KCNAB2: variants seen among roughly 807,000 people sequenced by gnomAD.
KCNAB2 encodes the protein potassium voltage-gated channel subfamily A regulatory beta subunit 2, also known as voltage-gated potassium channel subunit beta-2.
Under a neutral mutation model 63.6 loss-of-function variants are expected in KCNAB2, and 29 were observed. The ratio of observed to expected loss-of-function variants is 0.46; its 90% CI spans 0.34 to 0.62. KCNAB2 has a LOEUF of 0.62. Among genes scored for constraint, KCNAB2 ranks in the 20% least tolerant of loss-of-function variants. KCNAB2 has a pLI of 0.01. For synonymous variants in KCNAB2, 222 were observed against 224.2 expected (o/e 0.99, Z 0.09); for missense variants, 359 against 563.9 (o/e 0.64, Z 3.68).
Position 6,090,475 on chromosome 1 carries a change from G to A in KCNAB2, c.601G>A (p.Gly201Arg). Residue 201 changes from glycine to arginine, a missense_variant and splice_region_variant, in exon 9 of 16, where the codon GGG (glycine) becomes AGG (arginine). This residue lies in a region of KCNAB2 where 271 missense variants were observed against 476.1 expected (regional missense o/e 0.57). Coordinates refer to ENST00000378083, the MANE Select transcript of KCNAB2 (RefSeq NM_001199862.2). ...CCCGGACCCCAACACCCCGATGGAA[G>A]GTAGGTGGTCTGCGGCGGCGCCACC... ...NRPDPNTPME[G>R]DPFSSSKSRT... The A allele has an allele frequency of 1.2e-6, 2 of 1,612,930 alleles. No homozygotes were observed. The highest frequency in any genetic ancestry group is 1.7e-6 in the Non-Finnish European group (2 of 1,179,258).
chr1:6,036,229 G>A (rs1054903113), intron 1 of KCNAB2, among the ~76,000 whole-genome samples: 4 of 152,228 alleles, frequency 2.6e-5, no homozygotes, highest in African/African-American at 9.6e-5. Flanking sequence ...TAGGCCGAGT[G>A]AGGTGGCTCA....
In KCNAB2 at chr1:6,051,602, CCT is replaced by C. The variant is rs1557454919; in HGVS notation, c.67_68del (p.Leu23AlafsTer77). 2 of 1,534,948 alleles carry C rather than the reference CCT, an allele frequency of 1.3e-6. No homozygotes were observed. The highest frequency in any genetic ancestry group is 1.7e-6 in the Non-Finnish European group (2 of 1,146,664). On this transcript the variant is annotated frameshift_variant, in exon 2 of 16. Coordinates refer to ENST00000378083, the MANE Select transcript of KCNAB2 (RefSeq NM_001199862.2). LOFTEE classifies it high-confidence loss of function. ...VSSRCHSEWA[L>X]HPVRQTDTLE... ...GCAGCAGGTGCCACTCTGAATGGGC[CCT>C]GCACCCCGTCCGCCAGACGGACACG...
chr1:6,098,489 T>A lies in KCNAB2; in HGVS notation c.1163T>A (p.Leu388His). The change falls in exon 16 of 16, where the codon CTT becomes CAT. Residue 388 changes from leucine (L) to histidine (H), a missense_variant. Leu to His is a moderately conservative substitution (Grantham distance 99). Around this residue, in one of 2 missense-constraint regions of KCNAB2, gnomAD observed 271 missense variants for 476.1 expected, o/e 0.57. Transcript: ENST00000378083. ...TGTTGTTGTTCTTGCACGCAGGTCC[T>A]TCCGAAACTGTCATCTTCCATTATC... Reference protein sequence around the residue: ...LMENIGAIQVLPKLSSSIIHE... With the variant: ...LMENIGAIQVHPKLSSSIIHE... 1 of 1,613,948 alleles carries A rather than the reference T, an allele frequency of 6.2e-7. No individual in the cohort carries two copies. The highest frequency in any genetic ancestry group is 8.5e-7 in the Non-Finnish European group (1 of 1,179,932).
chr1:6,017,563 G>T (rs1374783696), intron 1 of KCNAB2, among the ~76,000 whole-genome samples: 4 of 152,116 alleles, frequency 2.6e-5, no homozygotes, highest in African/African-American at 9.7e-5. Flanking sequence ...GGAGGCCGAG[G>T]CAGGCAGATC....
At chr1:6,027,782 T>C (rs1264995906) in intron 1 of KCNAB2, among the ~76,000 whole-genome samples, 1 of 152,202 alleles carries the variant, frequency 6.6e-6, no homozygotes, top group Non-Finnish European at 1.5e-5. Context: ...TAGGTCCCAA[T>C]GCTTCTGCTG....
At chr1:6,008,755 C>T (rs1657976802) in intron 1 of KCNAB2, among the ~76,000 whole-genome samples, 1 of 152,126 alleles carries the variant, frequency 6.6e-6, no homozygotes, top group South Asian at 2.1e-4. Flanking sequence ...GGCCCCCGAA[C>T]CACCACCCCA....
chr1:6,037,701 A>T (rs1330015309), intron 1 of KCNAB2, among the ~76,000 whole-genome samples: 1 of 152,106 alleles, frequency 6.6e-6, no homozygotes, highest in Non-Finnish European at 1.5e-5. Flanking sequence ...GAGTCATCTA[A>T]GAGCAAAATG....
chr1:6,053,778 T>C (rs1053717274), intron 2 of KCNAB2, among the ~76,000 whole-genome samples: 11 of 152,340 alleles, frequency 7.2e-5, no homozygotes, highest in African/African-American at 2.6e-4. Flanking sequence ...ACATTCATCC[T>C]AAACCTCAGA....
rs533033709 is a variant in KCNAB2 at position 6,065,849 on chromosome 1, C to T, written c.219-6906C>T. Among the ~76,000 whole-genome samples the T allele has an allele frequency of 1.3e-4, 20 of 152,316 alleles. No homozygotes were observed. In the East Asian group the frequency reaches 3.5e-3, roughly 26 times the overall value. On this transcript the variant is annotated intron_variant, in intron 2 of 15. Transcript: ENST00000378083. The stretch of plus-strand genomic sequence containing the variant: ...CGCTTCCAGCAGGTCTTCTGTACCT[C>T]GGGCCTGGAAATGTGACTCCCTCCC...
chr1:6,060,543 C>A (rs982393890), intron 2 of KCNAB2, among the ~76,000 whole-genome samples: 3 of 152,146 alleles, frequency 2.0e-5, no homozygotes. Context: ...ACGGACAAGG[C>A]GGTCTCTGCA....
intron 1 of KCNAB2, among the ~76,000 whole-genome samples, chr1:6,009,935 A>G (rs1295027647): frequency 6.7e-6 from 1 of 150,178 alleles, no homozygotes; most frequent in African/African-American, 2.5e-5. Flanking sequence ...CAGTGGCGCA[A>G]TCTTATCTCA....
rs1475500113 is a variant in KCNAB2, at chr1:6,028,540, C to T, written c.-52-11977C>T. ...ACGTCACACCTAGCCCAGAACAGCC[C>T]CCCTCTCTCCATCCCTTCTGCGATG... On this transcript the variant is annotated intron_variant, in intron 1 of 16. Transcript: ENST00000341524. The surrounding 1 kb of genome is among the most constrained non-coding windows in gnomAD (Gnocchi z 4.0). Among the ~76,000 whole-genome samples, 2 of 152,218 alleles carry T rather than the reference C, an allele frequency of 1.3e-5. No individual in the cohort carries two copies. Among genetic ancestry groups the T allele is most frequent in the Non-Finnish European group, 2.9e-5 (2 of 68,034 alleles).
chr1:6,041,575 A>G (rs1660501220), upstream of KCNAB2: 3 of 535,746 alleles, frequency 5.6e-6, no homozygotes, highest in South Asian at 4.3e-5. Context: ...AGGGCCTGGC[A>G]TGGAAGGAGC....
At chr1:6,056,118 C>T (rs923903075) in intron 2 of KCNAB2, among the ~76,000 whole-genome samples, 3 of 152,098 alleles carry the variant, frequency 2.0e-5, no homozygotes, top group East Asian at 1.9e-4. Flanking sequence ...AATCTCAGCT[C>T]ACTGCAACCT....
intron 1 of KCNAB2, 45 bp from the exon 2 acceptor site, chr1:6,051,466 A>T: frequency 7.0e-6 from 10 of 1,430,678 alleles, no homozygotes; most frequent in Non-Finnish European, 9.2e-6. Context: ...AGCCTGGGGC[A>T]CGTGGGGCAT....
At chr1:6,065,244 GCAGCGCCTGCCCAGGCCT>G (rs1571003494) in intron 2 of KCNAB2, among the ~76,000 whole-genome samples, 1 of 152,238 alleles carries the variant, frequency 6.6e-6, no homozygotes, top group African/African-American at 2.4e-5. Flanking sequence ...CACCCTGGCT[GCAGCGCCTGCCCAGGCCT>G]CAGGCCAGTC....
intron 2 of KCNAB2, among the ~76,000 whole-genome samples, chr1:6,072,155 T>A (rs956749980): frequency 1.3e-5 from 2 of 152,158 alleles, no homozygotes; most frequent in Non-Finnish European, 2.9e-5. Flanking sequence ...TGTGCTTGGT[T>A]AGGAGGCCTA....
intron 13 of KCNAB2, among the ~76,000 whole-genome samples, chr1:6,095,913 T>A (rs1373110533): frequency 1.4e-5 from 1 of 69,312 alleles, no homozygotes. Context: ...CCCTACCACA[T>A]CCCCCACCTC....
intron 6 of KCNAB2, chr1:6,085,703 G>C: frequency 2.5e-6 from 1 of 405,034 alleles, no homozygotes; most frequent in Admixed American, 5.4e-5. Context: ...GAGCTTGGGG[G>C]CCTGGGGTTG....
Sources: allele counts gnomAD v4.1 joint callset (sites outside exome capture counted in the v4.1 genomes callset), GRCh38; gene constraint gnomAD v4.1.1; regional missense constraint gnomAD v4.1.1; non-coding constraint Gnocchi (gnomAD v3.1); transcripts MANE v1.5; gene names NCBI Gene and HGNC (gene_info 2026-07-23, HGNC 2026-07-21).